Variants in CFAP77 observed in about 807,000 individuals in gnomAD.
CFAP77 encodes cilia and flagella associated protein 77, also known as cilia- and flagella-associated protein 77.
Under a neutral mutation model 31.1 loss-of-function variants are expected in CFAP77, and 25 were observed. That is an observed-to-expected ratio of 0.80 (90% CI 0.59 to 1.12). The LOEUF is 1.12. Ranked by LOEUF, CFAP77 falls within the 50% of genes most tolerant of loss-of-function variation. CFAP77 has a pLI of 0.00. For missense variants in CFAP77, 377 were observed against 397.3 expected, an observed-to-expected ratio of 0.95 and a Z score of 0.44; for synonymous variants, 151 against 159.9, an observed-to-expected ratio of 0.94 and a Z score of 0.42.
chr9:132,542,603 G>C (rs909722225), intron 4 of CFAP77, among the ~76,000 whole-genome samples: 1 of 152,216 alleles, frequency 6.6e-6, no homozygotes, highest in African/African-American at 2.4e-5. Context: ...GGGACCCACT[G>C]GGGCTGCGTG....
intron 5 of CFAP77, among the ~76,000 whole-genome samples, chr9:132,555,509 G>A (rs1852888496): frequency 6.6e-6 from 1 of 152,158 alleles, no homozygotes; most frequent in Non-Finnish European, 1.5e-5. Context: ...ACTGTCAACC[G>A]AGGAACCATG....
At chr9:132,559,097 C>G (rs2119096183) in intron 5 of CFAP77, among the ~76,000 whole-genome samples, 1 of 151,924 alleles carries the variant, frequency 6.6e-6, no homozygotes, top group African/African-American at 2.4e-5. Context: ...CTGTAATCAG[C>G]ACTTTGGGAG....
At chr9:132,487,478 A>G (rs908773704) in intron 1 of CFAP77, among the ~76,000 whole-genome samples, 3 of 152,194 alleles carry the variant, frequency 2.0e-5, no homozygotes, top group African/African-American at 4.8e-5. Context: ...TTTTTAAATT[A>G]TAAAAGTAAA....
chr9:132,428,000 C>CTT (rs796779511), intron 1 of CFAP77, among the ~76,000 whole-genome samples: 250 of 142,958 alleles, frequency 1.7e-3, no homozygotes, highest in African/African-American at 6.1e-3. Flanking sequence ...TAGATTCTTT[C>CTT]TTTTTTTTTT....
At chr9:132,467,250 C>T (rs1034219543) in intron 1 of CFAP77, among the ~76,000 whole-genome samples, 3 of 152,172 alleles carry the variant, frequency 2.0e-5, no homozygotes, top group Non-Finnish European at 2.9e-5. Flanking sequence ...TGCCGTTCCA[C>T]AGTGTTAAGT....
intron 1 of CFAP77, among the ~76,000 whole-genome samples, chr9:132,432,061 TCAGA>T (rs1404956484): frequency 6.6e-6 from 1 of 151,988 alleles, no homozygotes; most frequent in African/African-American, 2.4e-5. Flanking sequence ...AATCTTGAAA[TCAGA>T]CAGGGAAAAA....
At chr9:132,555,621 T>A (rs1436476372) in intron 5 of CFAP77, among the ~76,000 whole-genome samples, 3 of 152,126 alleles carry the variant, frequency 2.0e-5, no homozygotes, top group Non-Finnish European at 4.4e-5. Flanking sequence ...GCAGTAAAAT[T>A]TGGAGCTCTG....
intron 1 of CFAP77, among the ~76,000 whole-genome samples, chr9:132,415,418 C>A (rs915478660): frequency 6.6e-6 from 1 of 152,212 alleles, no homozygotes; most frequent in Non-Finnish European, 1.5e-5. Flanking sequence ...CCCCCTTCAC[C>A]GGCTCGTCAC....
intron 3 of CFAP77, among the ~76,000 whole-genome samples, chr9:132,509,920 C>T (rs976555376): frequency 6.6e-6 from 1 of 152,180 alleles, no homozygotes; most frequent in African/African-American, 2.4e-5. Flanking sequence ...CCCTTTCTCC[C>T]TCCCCAAACT....
At chr9:132,414,932 T>A (rs1850070880) in intron 1 of CFAP77, among the ~76,000 whole-genome samples, 1 of 152,174 alleles carries the variant, frequency 6.6e-6, no homozygotes, top group Non-Finnish European at 1.5e-5. Flanking sequence ...ATATTGATGC[T>A]GGCGAACATA....
chr9:132,460,630 T>G (rs1217303477), intron 1 of CFAP77, among the ~76,000 whole-genome samples: 1 of 151,404 alleles, frequency 6.6e-6, no homozygotes, highest in African/African-American at 2.4e-5. Flanking sequence ...GTGTGAGGAG[T>G]GGCTGCTCAA....
intron 1 of CFAP77, among the ~76,000 whole-genome samples, chr9:132,439,804 G>A (rs904093038): frequency 2.0e-5 from 3 of 147,984 alleles, no homozygotes; most frequent in Admixed American, 6.8e-5. Flanking sequence ...AGCCGAGATC[G>A]TGCCACTGCA....
intron 1 of CFAP77, among the ~76,000 whole-genome samples, chr9:132,473,542 T>C (rs1851296961): frequency 6.6e-6 from 1 of 152,150 alleles, no homozygotes; most frequent in South Asian, 2.1e-4. Flanking sequence ...CTCATCAGGA[T>C]ACCTTCCTGT....
At chr9:132,524,442 A>G (rs1447876690) in intron 3 of CFAP77, among the ~76,000 whole-genome samples, 1 of 151,636 alleles carries the variant, frequency 6.6e-6, no homozygotes, top group Non-Finnish European at 1.5e-5. Context: ...TCTACTAAAA[A>G]AAAAATACAT....
rs551364614 is a variant in CFAP77 at position 132,440,923 on chromosome 9, A to G, written c.195+30457A>G. ...TTCCTCTTCAGTAAACACCTCCCAC[A>G]TACAGGACTTTCTGATGCAACCTGT... is the stretch of plus-strand genomic sequence containing the variant. On this transcript the variant is annotated intron_variant, in intron 1 of 5. Transcript: ENST00000393216. Among the ~76,000 whole-genome samples the G allele has an allele frequency of 9.2e-5, 14 of 152,298 alleles. No homozygotes were observed. The South Asian group carries it at 2.9e-3, about 32-fold the overall frequency.
At chr9:132,560,241 ATTC>A (rs1306654485) in intron 5 of CFAP77, among the ~76,000 whole-genome samples, 1 of 152,206 alleles carries the variant, frequency 6.6e-6, no homozygotes, top group Non-Finnish European at 1.5e-5. Context: ...CATCGCCTAG[ATTC>A]TGACTTTAGG....
chr9:132,510,310 G>A (rs72767811), intron 3 of CFAP77, among the ~76,000 whole-genome samples: 141 of 152,356 alleles, frequency 9.3e-4, no homozygotes, highest in Non-Finnish European at 1.6e-3. Context: ...GGGGCACAGC[G>A]AAAGCCCTTC....
At chr9:132,532,410 C>G (rs1310550275) in intron 3 of CFAP77, among the ~76,000 whole-genome samples, 1 of 152,230 alleles carries the variant, frequency 6.6e-6, no homozygotes, top group East Asian at 1.9e-4. Context: ...AGGGTGAGGC[C>G]TGGGGCGGAA....
rs576213765 is a variant in CFAP77 at position 132,439,541 on chromosome 9, A to C, written c.195+29075A>C. Reference sequence around the variant, plus strand: ...AGCTGCTGTTATAGTTTCAGCTCTTACTCTGGGTAAGATGCTCTAATCTGG... The same window carrying C: ...AGCTGCTGTTATAGTTTCAGCTCTTCCTCTGGGTAAGATGCTCTAATCTGG... On this transcript the variant is annotated intron_variant, in intron 1 of 5. Transcript: ENST00000393216. 3.3e-5 allele frequency among the ~76,000 whole-genome samples: 5 copies of C among 151,654 alleles called. No homozygotes were observed. In the South Asian group the frequency reaches 8.4e-4, roughly 25 times the overall value.
Sources: gnomAD v4.1 joint callset for allele counts (sites outside exome capture counted in the v4.1 genomes callset) on GRCh38, gnomAD v4.1.1 for gene constraint, MANE v1.5 for transcripts, NCBI Gene and HGNC (gene_info 2026-07-23, HGNC 2026-07-21) for gene names.